CPNE4: variants seen among roughly 807,000 people sequenced by gnomAD.
CPNE4 encodes the protein copine-4.
CPNE4 carries 25 observed loss-of-function variants against 67.9 expected under a neutral mutation model. The ratio of observed to expected loss-of-function variants is 0.37; its 90% confidence interval spans 0.27 to 0.51. CPNE4 has a LOEUF of 0.51. Ranked by LOEUF, CPNE4 falls within the 20% of genes least tolerant of loss-of-function variation. CPNE4 has a pLI of 0.93. For synonymous variants in CPNE4, 242 were observed against 244.9 expected, an observed-to-expected ratio of 0.99 and a Z score of 0.11; for missense variants, 464 against 690.8, an observed-to-expected ratio of 0.67 and a Z score of 3.68.
At chr3:131,891,164 A>T (rs1235966466) in intron 2 of CPNE4, among the ~76,000 whole-genome samples, 5 of 152,004 alleles carry the variant, frequency 3.3e-5, no homozygotes, top group East Asian at 1.9e-4. Context: ...ATATATATAT[A>T]TTTTTTATCT....
chr3:131,542,166 T>C (rs976246429), intron 15 of CPNE4, among the ~76,000 whole-genome samples: 3 of 152,020 alleles, frequency 2.0e-5, no homozygotes, highest in African/African-American at 7.3e-5. Flanking sequence ...CAGTTTCTGC[T>C]TGGTACTTTG....
At chr3:132,037,845 A>C, upstream of CPNE4, 1 of 475,922 alleles carries the variant, frequency 2.1e-6, no homozygotes, top group Non-Finnish European at 3.8e-6. Context: ...GATTCTTACC[A>C]ATGCAGTTGA....
In CPNE4 at chr3:131,736,611, C is replaced by CAA. The variant is rs71136406; in HGVS notation, c.181-12988_181-12987dup. Among the ~76,000 whole-genome samples, 196 of 81,966 alleles carry CAA rather than the reference C, an allele frequency of 2.4e-3. 2 individuals carry two copies. The highest frequency in any genetic ancestry group is 0.013 in the Middle Eastern group (2 of 154). The allele number at this position is 81,966 out of a possible 152,430, so 53.8% of individuals were successfully genotyped here. On this transcript the variant is annotated intron_variant, in intron 2 of 15. Coordinates refer to ENST00000429747, the MANE Select transcript of CPNE4 (RefSeq NM_130808.3). ...GACTGGCTACAGAGCAAGACTGTCT[C>CAA]AAAAAAAAAAAAAAAAAAAAAAAGT...
At chr3:132,038,997 A>C (rs1314331487), upstream of CPNE4, among the ~76,000 whole-genome samples, 1 of 152,216 alleles carries the variant, frequency 6.6e-6, no homozygotes, top group African/African-American at 2.4e-5. Flanking sequence ...GTATCTATTT[A>C]AATTTAAATT....
At chr3:132,035,067 C>A (rs1291596322), upstream of CPNE4, 5 of 985,310 alleles carry the variant, frequency 5.1e-6, no homozygotes, top group Non-Finnish European at 2.4e-6. Flanking sequence ...AACCTCCGCG[C>A]GAGCGCCCCC....
intron 2 of CPNE4, among the ~76,000 whole-genome samples, chr3:131,855,046 G>A (rs2086384149): frequency 6.6e-6 from 1 of 151,984 alleles, no homozygotes; most frequent in African/African-American, 2.4e-5. Context: ...AGAATCCAGT[G>A]AAAAGCCAGA....
At position 131,700,967 on chromosome 3, in the gene CPNE4, C is replaced by T. The variant is rs371740008; in HGVS notation, c.361-987G>A. Among the ~76,000 whole-genome samples, 3 of 151,794 alleles carry T rather than the reference C, an allele frequency of 2.0e-5. No homozygotes were observed. The East Asian group carries it at 5.8e-4, about 29-fold the overall frequency. Reference sequence around the variant, plus strand: ...TAGGGACATGGATGAAGCTGGAAACCATGATTCTCAGCAAACTATCGCAAG... The same window carrying T: ...TAGGGACATGGATGAAGCTGGAAACTATGATTCTCAGCAAACTATCGCAAG... On this transcript the variant is annotated intron_variant, in intron 3 of 15. Coordinates refer to ENST00000429747, the MANE Select transcript of CPNE4 (RefSeq NM_130808.3).
intron 7 of CPNE4, among the ~76,000 whole-genome samples, chr3:131,633,110 C>A (rs1191948913): frequency 6.6e-6 from 1 of 152,206 alleles, no homozygotes; most frequent in East Asian, 1.9e-4. Context: ...TAAGATTTCT[C>A]TCTCCTGCAC....
intron 1 of CPNE4, among the ~76,000 whole-genome samples, chr3:131,968,580 T>C (rs2072419420): frequency 6.6e-6 from 1 of 152,218 alleles, no homozygotes; most frequent in African/African-American, 2.4e-5. Context: ...AAGACATTTA[T>C]GCGACCAACA....
At chr3:131,614,425 GA>G (rs1440987357) in intron 7 of CPNE4, among the ~76,000 whole-genome samples, 3 of 152,222 alleles carry the variant, frequency 2.0e-5, no homozygotes, top group South Asian at 2.1e-4. Context: ...AAGCAAAGGA[GA>G]GGGGTGATTT....
At chr3:131,667,233 C>G (rs924366551) in intron 7 of CPNE4, among the ~76,000 whole-genome samples, 13 of 152,008 alleles carry the variant, frequency 8.6e-5, no homozygotes, top group African/African-American at 3.1e-4. Context: ...TTTAGTTAAT[C>G]TTACATGTTC....
chr3:131,719,686 G>T (rs2107739163), intron 3 of CPNE4, among the ~76,000 whole-genome samples: 1 of 152,270 alleles, frequency 6.6e-6, no homozygotes, highest in Middle Eastern at 3.4e-3. Flanking sequence ...GGCATCCATA[G>T]ATAGAGTGGG....
intron 2 of CPNE4, among the ~76,000 whole-genome samples, chr3:131,864,718 C>T (rs922819415): frequency 6.6e-6 from 1 of 151,924 alleles, no homozygotes; most frequent in African/African-American, 2.4e-5. Flanking sequence ...TGCTTGATTG[C>T]CCTGGCCAGA....
intron 2 of CPNE4, among the ~76,000 whole-genome samples, chr3:131,745,696 T>A (rs1340917633): frequency 6.6e-6 from 1 of 152,158 alleles, no homozygotes; most frequent in African/African-American, 2.4e-5. Flanking sequence ...AAAATCAATT[T>A]GGTGTAATTC....
intron 3 of CPNE4, among the ~76,000 whole-genome samples, chr3:131,701,877 C>CT (rs368614681): frequency 6.6e-6 from 1 of 152,052 alleles, no homozygotes; most frequent in African/African-American, 2.4e-5. Context: ...TTTTGAAGTA[C>CT]TTTTTTTAAG....
chr3:131,607,874 C>G (rs1196410521), intron 7 of CPNE4, among the ~76,000 whole-genome samples: 4 of 152,250 alleles, frequency 2.6e-5, no homozygotes, highest in South Asian at 4.1e-4. Context: ...AACCAGCCAC[C>G]AAGGGCACAA....
At chr3:131,986,678 C>A (rs186053419) in intron 1 of CPNE4, among the ~76,000 whole-genome samples, 1 of 151,936 alleles carries the variant, frequency 6.6e-6, no homozygotes, top group African/African-American at 2.4e-5. Flanking sequence ...AGGCGGATCA[C>A]GAGGTTAGAA....
At chr3:131,755,533 G>A (rs2082732182) in intron 2 of CPNE4, among the ~76,000 whole-genome samples, 1 of 152,052 alleles carries the variant, frequency 6.6e-6, no homozygotes, top group Non-Finnish European at 1.5e-5. Flanking sequence ...TAACCTGCAG[G>A]GATGAAAGAA....
chr3:132,026,671 A>C (rs1269393147), intron 1 of CPNE4, among the ~76,000 whole-genome samples: 1 of 152,208 alleles, frequency 6.6e-6, no homozygotes, highest in Non-Finnish European at 1.5e-5. Flanking sequence ...TTTCTGCAAG[A>C]TAAATGCATA....
Sources: allele counts gnomAD v4.1 joint callset (sites outside exome capture counted in the v4.1 genomes callset), GRCh38; gene constraint gnomAD v4.1.1; transcripts MANE v1.5; gene names NCBI Gene and HGNC (gene_info 2026-07-23, HGNC 2026-07-21).